Variants in TESK2 observed in about 807,000 individuals in gnomAD.
TESK2 encodes the protein dual specificity testis-specific protein kinase 2.
Under a neutral mutation model 57.1 loss-of-function variants are expected in TESK2, and 39 were observed. That is an observed-to-expected ratio of 0.68 (90% confidence interval 0.53 to 0.89). TESK2 has a LOEUF of 0.89. Ranked by LOEUF, TESK2 falls within the 40% of genes least tolerant of loss-of-function variation. The probability of loss-of-function intolerance (pLI) is 0.00; values close to 1 mark genes in which losing one functional copy is unlikely to be tolerated. For missense variants in TESK2, 646 were observed against 732.1 expected, an observed-to-expected ratio of 0.88 and a Z score of 1.36; for synonymous variants, 249 against 267.9, an observed-to-expected ratio of 0.93 and a Z score of 0.69.
Position 45,346,726 on chromosome 1 carries a change from T to G in TESK2, c.846A>C (p.Pro282=), listed in dbSNP as rs775914163. The change falls in exon 9 of 11, where the codon CCA becomes CCC. Residue 282 remains proline, a synonymous_variant. Coordinates refer to ENST00000372086, the MANE Select transcript of TESK2 (RefSeq NM_007170.3). The part of the protein sequence containing the change: ...AFQHMVGDCP[P]DFLQLTFNCC... ...AGTTGAAAGTAAGTTGCAGAAAATC[T>G]GGGGGACAGTCTCCCACCATGTGCT... 2.5e-6 allele frequency: 4 copies of G among 1,613,984 alleles called. No homozygotes were observed. In the South Asian group the frequency reaches 4.4e-5, roughly 18 times the overall value.
chr1:45,465,139 G>A (rs1652492962), intron 1 of TESK2, among the ~76,000 whole-genome samples: 1 of 152,088 alleles, frequency 6.6e-6, no homozygotes, highest in South Asian at 2.1e-4. Context: ...AGGAGGCTGA[G>A]GCATGAGAAT....
At chr1:45,393,738 CAAAA>C (rs34270037) in intron 3 of TESK2, among the ~76,000 whole-genome samples, 1 of 88,396 alleles carries the variant, frequency 1.1e-5, no homozygotes. Context: ...GACTCCGTCT[CAAAA>C]AAAAAAAAAA....
chr1:45,483,306 A>C (rs967045179), intron 1 of TESK2, among the ~76,000 whole-genome samples: 6 of 150,952 alleles, frequency 4.0e-5, no homozygotes, highest in Non-Finnish European at 5.9e-5. Flanking sequence ...ACAACAACAA[A>C]AAAGAGGAGC....
At chr1:45,351,829 G>A (rs1647237943) in intron 5 of TESK2, among the ~76,000 whole-genome samples, 1 of 46,592 alleles carries the variant, frequency 2.1e-5, no homozygotes, top group African/African-American at 1.7e-4. Flanking sequence ...AATAGGCCCA[G>A]GAAGACTTTA....
intron 1 of TESK2, among the ~76,000 whole-genome samples, chr1:45,485,001 A>T (rs1653399137): frequency 6.6e-6 from 1 of 151,612 alleles, no homozygotes; most frequent in Non-Finnish European, 1.5e-5. Flanking sequence ...ACTGCACTCC[A>T]GCCTGGGCAA....
chr1:45,449,112 A>ACTGTAATCC (rs1651767408), intron 2 of TESK2, among the ~76,000 whole-genome samples: 1 of 151,686 alleles, frequency 6.6e-6, no homozygotes, highest in Non-Finnish European at 1.5e-5. Flanking sequence ...AATCCCAGCT[A>ACTGTAATCC]CTCAGGAAGC....
chr1:45,454,023 C>A, intron 2 of TESK2, among the ~76,000 whole-genome samples: 1 of 152,116 alleles, frequency 6.6e-6, no homozygotes, highest in East Asian at 1.9e-4. Flanking sequence ...AAATAAGTGT[C>A]AGTGAGCACA....
chr1:45,442,557 T>A (rs1651486851), intron 2 of TESK2, among the ~76,000 whole-genome samples: 1 of 152,220 alleles, frequency 6.6e-6, no homozygotes, highest in Admixed American at 6.5e-5. Context: ...AGAACCACTC[T>A]TTTTTCTTTT....
At chr1:45,448,953 A>AGTG (rs1336152841) in intron 2 of TESK2, among the ~76,000 whole-genome samples, 1 of 152,134 alleles carries the variant, frequency 6.6e-6, no homozygotes, top group African/African-American at 2.4e-5. Flanking sequence ...GGCAGGGTGC[A>AGTG]GTGGCTCACG....
intron 3 of TESK2, among the ~76,000 whole-genome samples, chr1:45,396,808 T>G (rs112259336): frequency 7.8e-5 from 10 of 127,880 alleles, no homozygotes; most frequent in East Asian, 4.9e-4. Context: ...CTAAGTTGTT[T>G]TTTTTTTTTT....
chr1:45,437,215 T>C (rs912577196), intron 2 of TESK2, among the ~76,000 whole-genome samples: 2 of 152,220 alleles, frequency 1.3e-5, no homozygotes, highest in African/African-American at 2.4e-5. Context: ...TATTTTTTTG[T>C]GTCCTCTTCA....
chr1:45,428,250 G>A (rs1333461679), intron 2 of TESK2, among the ~76,000 whole-genome samples: 2 of 152,152 alleles, frequency 1.3e-5, no homozygotes, highest in Admixed American at 1.3e-4. Context: ...CTGAGGCACA[G>A]AGAAATTAAA....
intron 3 of TESK2, among the ~76,000 whole-genome samples, chr1:45,401,434 A>G (rs759509937): frequency 1.2e-4 from 18 of 151,790 alleles, no homozygotes; most frequent in Admixed American, 7.2e-4. Flanking sequence ...AATAATAAAA[A>G]TTAAAAAAAC....
intron 3 of TESK2, among the ~76,000 whole-genome samples, chr1:45,404,368 A>G (rs545535659): frequency 6.6e-6 from 1 of 152,236 alleles, no homozygotes; most frequent in African/African-American, 2.4e-5. Flanking sequence ...AAGGGGATTA[A>G]GTGGGGGCTA....
chr1:45,387,398 T>C (rs1648947598), intron 3 of TESK2, among the ~76,000 whole-genome samples: 1 of 152,210 alleles, frequency 6.6e-6, no homozygotes. Flanking sequence ...GTATGACTGA[T>C]GATGATCATA....
chr1:45,396,422 T>C (rs1649360197), intron 3 of TESK2, among the ~76,000 whole-genome samples: 1 of 152,026 alleles, frequency 6.6e-6, no homozygotes, highest in East Asian at 1.9e-4. Flanking sequence ...AAAACACAAC[T>C]CAAAATTTTT....
intron 4 of TESK2, among the ~76,000 whole-genome samples, chr1:45,375,846 G>A (rs541390325): frequency 6.6e-6 from 1 of 152,324 alleles, no homozygotes; most frequent in South Asian, 2.1e-4. Flanking sequence ...CATGGTAGGA[G>A]CCAAATAAAT....
chr1:45,449,764 A>G (rs1651797347), intron 2 of TESK2, among the ~76,000 whole-genome samples: 1 of 152,210 alleles, frequency 6.6e-6, no homozygotes. Context: ...GAAATGTAGT[A>G]GACAGTTTTT....
At chr1:45,357,649 C>T (rs1570645312) in intron 4 of TESK2, among the ~76,000 whole-genome samples, 1 of 151,356 alleles carries the variant, frequency 6.6e-6, no homozygotes, top group Non-Finnish European at 1.5e-5. Context: ...GAGTTTGAGA[C>T]CAGCCTGGGG....
Sources: allele counts gnomAD v4.1 joint callset (sites outside exome capture counted in the v4.1 genomes callset), GRCh38; gene constraint gnomAD v4.1.1; transcripts MANE v1.5; gene names NCBI Gene and HGNC (gene_info 2026-07-23, HGNC 2026-07-21).